KIFC3: variants seen among roughly 807,000 people sequenced by gnomAD.
The protein encoded by KIFC3 is kinesin-like protein KIFC3.
KIFC3 carries 60 observed loss-of-function variants against 101.8 expected under a neutral mutation model. That is an observed-to-expected ratio of 0.59 (90% CI 0.48 to 0.73). KIFC3 has a LOEUF of 0.73. Among genes scored for constraint, KIFC3 ranks in the 30% least tolerant of loss-of-function variants. The pLI, the probability that KIFC3 is intolerant of heterozygous loss-of-function variation, is 0.00. For missense variants in KIFC3, 966 were observed against 1,137.1 expected, an observed-to-expected ratio of 0.85 and a Z score of 2.16; for synonymous variants, 476 against 482.7, an observed-to-expected ratio of 0.99 and a Z score of 0.18.
chr16:57,851,475 A>G (rs2056056187), intron 1 of KIFC3, among the ~76,000 whole-genome samples: 1 of 150,470 alleles, frequency 6.6e-6, no homozygotes, highest in East Asian at 1.9e-4. Context: ...ATATCTGGAG[A>G]TTGTCTTGGT....
chr16:57,818,106 G>A lies in KIFC3; in HGVS notation c.109-19824C>T, dbSNP rs1347016121. ...TGCAGTGGCGTGATCTCTGCTCACT[G>A]CACCCTCCACCTCTATCTTTAGTAG... On this transcript the variant is annotated intron_variant, in intron 1 of 2. Transcript: ENST00000563028. 4.6e-5 allele frequency among the ~76,000 whole-genome samples: 7 copies of A among 151,150 alleles called. No homozygotes were observed. The East Asian group carries it at 1.2e-3, about 25-fold the overall frequency.
intron 1 of KIFC3, among the ~76,000 whole-genome samples, chr16:57,836,715 AG>A: frequency 6.6e-6 from 1 of 152,056 alleles, no homozygotes; most frequent in Non-Finnish European, 1.5e-5. Context: ...TTTTTGAGAC[AG>A]GGTCTTGCTC....
intron 1 of KIFC3, among the ~76,000 whole-genome samples, chr16:57,855,415 G>A (rs980841811): frequency 1.3e-4 from 20 of 151,792 alleles, no homozygotes; most frequent in African/African-American, 4.1e-4. Flanking sequence ...ATGAGCCACC[G>A]CACCCAGCCA....
At chr16:57,797,179 C>T (rs1555623367) in intron 2 of KIFC3, among the ~76,000 whole-genome samples, 1 of 152,238 alleles carries the variant, frequency 6.6e-6, no homozygotes. Context: ...GCCTCAGTTT[C>T]CCCTTCTGTG....
At chr16:57,768,540 C>T (rs377716155) in intron 9 of KIFC3, among the ~76,000 whole-genome samples, 3 of 151,986 alleles carry the variant, frequency 2.0e-5, no homozygotes, top group Non-Finnish European at 4.4e-5. Context: ...CACACACGCA[C>T]AATTGGCTTA....
chr16:57,792,157 G>A (rs2053928674), intron 3 of KIFC3, among the ~76,000 whole-genome samples: 1 of 152,236 alleles, frequency 6.6e-6, no homozygotes, highest in Non-Finnish European at 1.5e-5. Context: ...CAGAATCAGT[G>A]TGTGTGGATG....
chr16:57,770,020 CGAGA>C, intron 7 of KIFC3, 65 bp from the exon 8 acceptor site: 1 of 1,555,290 alleles, frequency 6.4e-7, no homozygotes, highest in South Asian at 1.2e-5. Flanking sequence ...GGTGCCACAC[CGAGA>C]AAGAAACTGG....
At chr16:57,847,054 G>C (rs1192394327) in intron 1 of KIFC3, among the ~76,000 whole-genome samples, 1 of 151,604 alleles carries the variant, frequency 6.6e-6, no homozygotes, top group Non-Finnish European at 1.5e-5. Flanking sequence ...GTGTGCTGGC[G>C]AACACCTGTA....
intron 1 of KIFC3, among the ~76,000 whole-genome samples, chr16:57,841,403 C>T (rs140755431): frequency 3.5e-4 from 54 of 152,296 alleles, no homozygotes; most frequent in African/African-American, 1.1e-3. Context: ...CAGTGGCTCA[C>T]GCCTGTAATC....
At chr16:57,784,918 G>A (rs1194150034) in intron 3 of KIFC3, among the ~76,000 whole-genome samples, 1 of 152,314 alleles carries the variant, frequency 6.6e-6, no homozygotes, top group South Asian at 2.1e-4. Context: ...AGGAGACAAC[G>A]CTGACCTGCA....
intron 2 of KIFC3, chr16:57,797,632 C>T (rs1445835642): frequency 3.9e-6 from 4 of 1,028,484 alleles, no homozygotes; most frequent in East Asian, 9.4e-5. Context: ...CCACTCCCAA[C>T]GCCGTCCAGG....
intron 1 of KIFC3, among the ~76,000 whole-genome samples, chr16:57,827,160 C>A (rs1321449816): frequency 6.6e-6 from 1 of 152,224 alleles, no homozygotes; most frequent in Non-Finnish European, 1.5e-5. Flanking sequence ...TAAAGCGATC[C>A]CACAAGAGAA....
Position 57,798,151 on chromosome 16 carries a change from C to T in KIFC3, c.93G>A (p.Gly31=). The T allele has an allele frequency of 6.5e-7, 1 of 1,547,746 alleles. No homozygotes were observed. Among genetic ancestry groups the T allele is most frequent in the East Asian group, 2.4e-5 (1 of 41,206 alleles). Residue 31 remains glycine (G), a synonymous_variant, in exon 2 of 20, where the codon GGG becomes GGA. Coordinates refer to ENST00000445690, the MANE Select transcript of KIFC3 (RefSeq NM_001130100.2). ...CTGGGGCTGGGGCGGGGCGAGCCAT[C>T]CCCGGCTCGGGCTCCGGGGCCCGGC... ...RVGRAPEPEP[G]MARPAPAPAS...
chr16:57,760,086 G>A, intron 17 of KIFC3, 196 bp downstream of exon 17: 1 of 700,026 alleles, frequency 1.4e-6, no homozygotes, highest in South Asian at 1.9e-5. Context: ...CACCCCACAG[G>A]AACCTCCGAG....
At chr16:57,823,805 T>TGTGTGTGTG (rs1568088586) in intron 1 of KIFC3, among the ~76,000 whole-genome samples, 7 of 64,520 alleles carry the variant, frequency 1.1e-4, no homozygotes, top group East Asian at 8.3e-4. Context: ...GTGTGTGTGT[T>TGTGTGTGTG]TTTAGTAGAG....
chr16:57,795,896 T>TTG (rs1555622709), intron 2 of KIFC3, among the ~76,000 whole-genome samples: 1 of 124,186 alleles, frequency 8.1e-6, no homozygotes, highest in Non-Finnish European at 1.7e-5. Context: ...TTTTTTTTTT[T>TTG]TTTTTTTTTT....
intron 1 of KIFC3, chr16:57,816,392 C>T (rs1555628835): frequency 3.3e-6 from 2 of 609,300 alleles, no homozygotes; most frequent in South Asian, 3.0e-5. Flanking sequence ...AGAAGACCCG[C>T]CTTTGGTCAC....
intron 2 of KIFC3, among the ~76,000 whole-genome samples, chr16:57,796,295 T>C (rs554015344): frequency 5.3e-5 from 8 of 152,296 alleles, no homozygotes; most frequent in Admixed American, 1.3e-4. Flanking sequence ...GTGGTGCCCA[T>C]GTAGTGCCAG....
intron 3 of KIFC3, among the ~76,000 whole-genome samples, chr16:57,793,965 C>T (rs925987978): frequency 1.3e-5 from 2 of 152,154 alleles, no homozygotes; most frequent in African/African-American, 2.4e-5. Flanking sequence ...GTATCTCTGC[C>T]CTGTTACAAG....
Sources: gnomAD v4.1 joint callset for allele counts (sites outside exome capture counted in the v4.1 genomes callset) on GRCh38, gnomAD v4.1.1 for gene constraint, MANE v1.5 for transcripts, NCBI Gene and HGNC (gene_info 2026-07-23, HGNC 2026-07-21) for gene names.